The following PXDNL variants were observed in gnomAD, a reference collection of about 807,000 sequenced individuals.
PXDNL encodes the protein peroxidasin like.
Under a neutral mutation model 150.8 loss-of-function variants are expected in PXDNL, and 145 were observed. The ratio of observed to expected loss-of-function variants is 0.96; its 90% CI spans 0.84 to 1.10. The LOEUF is 1.10. Among genes scored for constraint, PXDNL ranks in the 50% least tolerant of loss-of-function variants. The pLI is 0.00. For missense variants in PXDNL, 2,087 were observed against 1,873.9 expected, an observed-to-expected ratio of 1.11 and a Z score of -2.10; for synonymous variants, 757 against 725.7, an observed-to-expected ratio of 1.04 and a Z score of -0.69.
chr8:51,487,985 G>T (rs1267790418), intron 5 of PXDNL, among the ~76,000 whole-genome samples: 1 of 152,134 alleles, frequency 6.6e-6, no homozygotes, highest in African/African-American at 2.4e-5. Flanking sequence ...TGGTAAATTT[G>T]CTTGAATTTA....
chr8:51,662,654 A>C (rs551600821), intron 1 of PXDNL, among the ~76,000 whole-genome samples: 14 of 152,332 alleles, frequency 9.2e-5, no homozygotes, highest in African/African-American at 2.9e-4. Context: ...TATGGGGGAG[A>C]ATGTACATAG....
intron 19 of PXDNL, among the ~76,000 whole-genome samples, chr8:51,367,497 A>C (rs1277350327): frequency 6.6e-6 from 1 of 152,196 alleles, no homozygotes; most frequent in Non-Finnish European, 1.5e-5. Flanking sequence ...TTATCTTTTT[A>C]GAAATAAATC....
At chr8:51,551,760 C>G (rs552747028) in intron 4 of PXDNL, among the ~76,000 whole-genome samples, 245 of 152,220 alleles carry the variant, frequency 1.6e-3, no homozygotes, top group African/African-American at 5.2e-3. Flanking sequence ...TAGACATTGG[C>G]CTAGGCAAAG....
At chr8:51,572,641 A>C (rs78530104) in intron 3 of PXDNL, among the ~76,000 whole-genome samples, 2,714 of 152,022 alleles carry the variant, frequency 0.018, 85 homozygotes, top group African/African-American at 0.061. Context: ...ATGGTTGCAC[A>C]ATATGGTGAA....
rs747842639 is a variant in PXDNL, at chr8:51,345,815, A to T, written c.4016+18T>A. On this transcript the variant is annotated intron_variant, in intron 20 of 22. Coordinates refer to ENST00000356297, the MANE Select transcript of PXDNL (RefSeq NM_144651.5). ...CTATAGTAAGTTGCCTAAAGAAATG[A>T]GATATTTCTATACATACCTACTTCT... 6.9e-7 allele frequency: 1 copy of T among 1,450,676 alleles called. No individual in the cohort carries two copies. Among genetic ancestry groups the T allele is most frequent in the Non-Finnish European group, 9.6e-7 (1 of 1,036,424 alleles). 89.9% of individuals were successfully genotyped at this position (1,450,676 alleles called of 1,614,324 possible). A position where few individuals can be genotyped will look rare whatever the true frequency, so the allele number is the denominator to read the frequency against.
In PXDNL at chr8:51,608,030, AAAG is replaced by A. The variant is rs1491315180; in HGVS notation, c.237-15335_237-15333del. ...GAAAGAAAGAAAGAAAGAAAGAAAG[AAAG>A]AAAGAAAGAAAGAAAGAAAGAAAGC... On this transcript the variant is annotated intron_variant, in intron 2 of 22. Coordinates refer to ENST00000356297, the MANE Select transcript of PXDNL (RefSeq NM_144651.5). Among the ~76,000 whole-genome samples the A allele has an allele frequency of 2.6e-5, 3 of 115,038 alleles. 1 individual carries two copies. The highest frequency in any genetic ancestry group is 1.2e-4 in the African/African-American group (3 of 25,440). 75.5% of individuals were successfully genotyped at this position (115,038 alleles called of 152,430 possible).
intron 1 of PXDNL, among the ~76,000 whole-genome samples, chr8:51,792,079 G>A (rs2037518108): frequency 6.6e-6 from 1 of 152,090 alleles, no homozygotes; most frequent in Non-Finnish European, 1.5e-5. Context: ...AAAACATTGA[G>A]TTTTACCTTC....
intron 17 of PXDNL, among the ~76,000 whole-genome samples, chr8:51,380,242 A>G (rs1807492258): frequency 6.6e-6 from 1 of 152,206 alleles, no homozygotes; most frequent in African/African-American, 2.4e-5. Flanking sequence ...TGCAGGTTGG[A>G]CAAGTTTGCT....
chr8:51,677,126 C>A (rs75142570), intron 1 of PXDNL, among the ~76,000 whole-genome samples: 7,716 of 152,228 alleles, frequency 0.051, 263 homozygotes, highest in African/African-American at 0.099. Flanking sequence ...AATTACTTTT[C>A]CCATTTGTTT....
At chr8:51,658,848 C>T (rs1187168120) in intron 1 of PXDNL, among the ~76,000 whole-genome samples, 1 of 152,166 alleles carries the variant, frequency 6.6e-6, no homozygotes, top group African/African-American at 2.4e-5. Flanking sequence ...AACTTCTCCA[C>T]AGTACTCCAC....
chr8:51,544,376 C>G (rs1402708847), intron 4 of PXDNL, among the ~76,000 whole-genome samples: 1 of 152,132 alleles, frequency 6.6e-6, no homozygotes, highest in Non-Finnish European at 1.5e-5. Context: ...ATAATTCTTA[C>G]AAGATGATTA....
chr8:51,488,043 C>A (rs1810807326), intron 5 of PXDNL, among the ~76,000 whole-genome samples: 1 of 152,134 alleles, frequency 6.6e-6, no homozygotes, highest in Non-Finnish European at 1.5e-5. Flanking sequence ...ATTATTTCAG[C>A]AAACAAATTT....
intron 21 of PXDNL, 60 bp from the exon 22 acceptor site, chr8:51,320,957 T>C: frequency 8.2e-7 from 1 of 1,224,066 alleles, no homozygotes. Context: ...ACAAAGCCAA[T>C]CAATAACATG....
intron 2 of PXDNL, among the ~76,000 whole-genome samples, chr8:51,596,103 C>T (rs35693342): frequency 0.025 from 3,729 of 152,074 alleles, 71 homozygotes; most frequent in South Asian, 0.048. Context: ...TCATTATGTC[C>T]GAGTATCCAG....
At chr8:51,512,472 A>C (rs1456460687) in intron 4 of PXDNL, among the ~76,000 whole-genome samples, 2 of 152,232 alleles carry the variant, frequency 1.3e-5, no homozygotes, top group African/African-American at 2.4e-5. Context: ...ATATAGAAAA[A>C]GGGAGATGGC....
At chr8:51,668,338 C>T (rs546454513) in intron 1 of PXDNL, among the ~76,000 whole-genome samples, 2 of 151,898 alleles carry the variant, frequency 1.3e-5, no homozygotes, top group Admixed American at 6.6e-5. Flanking sequence ...CCACACCTGG[C>T]TAATTTCTAT....
intron 1 of PXDNL, among the ~76,000 whole-genome samples, chr8:51,743,623 C>T (rs2036930770): frequency 6.6e-6 from 1 of 151,970 alleles, no homozygotes; most frequent in Non-Finnish European, 1.5e-5. Flanking sequence ...CTCAGGTAAT[C>T]CACCTGCCTC....
intron 2 of PXDNL, among the ~76,000 whole-genome samples, chr8:51,654,285 T>C (rs1417083610): frequency 6.6e-6 from 1 of 152,240 alleles, no homozygotes; most frequent in African/African-American, 2.4e-5. Flanking sequence ...CTATTCTTTG[T>C]TTTAGAGTAT....
At chr8:51,415,231 T>C (rs1362702995) in intron 14 of PXDNL, among the ~76,000 whole-genome samples, 1 of 152,202 alleles carries the variant, frequency 6.6e-6, no homozygotes, top group African/African-American at 2.4e-5. Flanking sequence ...AAATTGGTTG[T>C]ACAACAGTGG....
Sources: gnomAD v4.1 joint callset for allele counts (sites outside exome capture counted in the v4.1 genomes callset) on GRCh38, gnomAD v4.1.1 for gene constraint, MANE v1.5 for transcripts, NCBI Gene and HGNC (gene_info 2026-07-23, HGNC 2026-07-21) for gene names.